The following RADIL variants were observed in gnomAD, a reference collection of about 807,000 sequenced individuals.
RADIL encodes the protein ras-associating and dilute domain-containing protein.
A neutral mutation model predicts 97.6 loss-of-function variants in RADIL; 99 were observed. The observed-to-expected ratio is 1.01, with a 90% CI of 0.86 to 1.20. RADIL has a LOEUF of 1.20. Ranked by LOEUF, RADIL falls within the 50% of genes most tolerant of loss-of-function variation. The pLI, the probability that RADIL is intolerant of heterozygous loss-of-function variation, is 0.00. For synonymous variants in RADIL, 803 were observed against 691.8 expected (o/e 1.16, Z -2.52); for missense variants, 1,765 against 1,498.9 (o/e 1.18, Z -2.93).
At position 4,834,561 on chromosome 7, in the gene RADIL, C is replaced by CCCCAGACCGGCACAGGA; in HGVS notation, c.1416+29_1416+45dup. The CCCCAGACCGGCACAGGA allele has an allele frequency of 7.7e-7, 1 of 1,302,504 alleles. No individual in the cohort carries two copies. The highest frequency in any genetic ancestry group is 9.8e-7 in the Non-Finnish European group (1 of 1,022,210). 80.7% of individuals were successfully genotyped at this position (1,302,504 alleles called of 1,614,324 possible). On this transcript the variant is annotated intron_variant, in intron 4 of 14. Coordinates refer to ENST00000399583, the MANE Select transcript of RADIL (RefSeq NM_018059.5). This position sits in a 1 kb window ranked among gnomAD's most constrained non-coding sequence, Gnocchi z 6.0. ...GGGGCCAGCTCCGGGCCCCCTCTTC[C>CCCCAGACCGGCACAGGA]CCCAGACCGGCACAGGACCCAGACC...
chr7:4,839,129 G>A lies in RADIL; in HGVS notation c.536-2524C>T, dbSNP rs1000388775. 5.9e-5 allele frequency among the ~76,000 whole-genome samples: 9 copies of A among 152,364 alleles called. No individual in the cohort carries two copies. In the South Asian group the frequency reaches 1.9e-3, roughly 32 times the overall value. On this transcript the variant is annotated intron_variant, in intron 2 of 14. Transcript: ENST00000399583. The stretch of plus-strand genomic sequence containing the variant: ...GAGCAAGCTACAGGTAACACGTGAC[G>A]TGATGTAACACATGATATGACGCGT...
At position 4,813,073 on chromosome 7, in the gene RADIL, T is replaced by TC. The variant is rs139935773; in HGVS notation, c.2139+2204_2139+2205insG. On this transcript the variant is annotated intron_variant, in intron 9 of 14. Transcript: ENST00000399583. The surrounding 1 kb of genome is among the most constrained non-coding windows in gnomAD (Gnocchi z 5.0). The stretch of plus-strand genomic sequence containing the variant: ...CTTCATCCTTACCCCAAGGTTCTTC[T>TC]TTCTCTCTCTCTCTCTCTCTCTCTC... 0.11 allele frequency among the ~76,000 whole-genome samples: 16,675 copies of TC among 147,440 alleles called. 1,059 individuals are homozygous for TC. Among genetic ancestry groups the TC allele is most frequent in the African/African-American group, 0.16 (6,167 of 38,168 alleles).
intron 2 of RADIL, chr7:4,861,867 C>CGACCTTCA: frequency 8.1e-7 from 1 of 1,241,130 alleles, no homozygotes; most frequent in South Asian, 1.9e-5. Flanking sequence ...TTCGCGGCCG[C>CGACCTTCA]CGCCCGGGTC....
intron 7 of RADIL, among the ~76,000 whole-genome samples, chr7:4,816,776 C>T (rs1782689663): frequency 1.3e-5 from 2 of 152,100 alleles, no homozygotes; most frequent in Admixed American, 1.3e-4. Flanking sequence ...AACAAAGGGG[C>T]TCCAACAAAA....
At chr7:4,833,946 G>A (rs551511865) in intron 4 of RADIL, among the ~76,000 whole-genome samples, 1 of 152,290 alleles carries the variant, frequency 6.6e-6, no homozygotes, top group East Asian at 1.9e-4. Flanking sequence ...GGCGGCAGAG[G>A]GTGACCGGCA....
At position 4,801,992 on chromosome 7, in the gene RADIL, T is replaced by C. The variant is rs891214300; in HGVS notation, c.2503A>G (p.Met835Val). 5.3e-6 allele frequency: 8 copies of C among 1,513,148 alleles called. No individual in the cohort carries two copies. The highest frequency in any genetic ancestry group is 4.2e-5 in the African/African-American group (3 of 71,482). The allele number at this position is 1,513,148 out of a possible 1,614,324, so 93.7% of individuals were successfully genotyped here. ...TGCCCGTCAAGGACCACGTGGTGCA[T>C]ACCCTAGGGAGAGGAAGGGTGACAG... is the stretch of plus-strand genomic sequence containing the variant. Reference protein sequence around the residue: ...GASQPVCPEGMHHVVLDGHLE... With the variant: ...GASQPVCPEGVHHVVLDGHLE... Residue 835 changes from methionine to valine, a missense_variant, in exon 12 of 15, where the codon ATG (methionine) becomes GTG (valine). Transcript: ENST00000399583.
chr7:4,805,496 G>A, intron 10 of RADIL, 70 bp downstream of exon 10: 1 of 1,477,884 alleles, frequency 6.8e-7, no homozygotes, highest in Non-Finnish European at 9.0e-7. Context: ...ATGAGAGCAT[G>A]CTGCCTCCAG....
rs972531959 is a variant in RADIL at position 4,840,679 on chromosome 7, C to G, written c.536-4074G>C. On this transcript the variant is annotated intron_variant, in intron 2 of 14. Coordinates refer to ENST00000399583, the MANE Select transcript of RADIL (RefSeq NM_018059.5). The surrounding 1 kb of genome is among the most constrained non-coding windows in gnomAD (Gnocchi z 5.6). Reference sequence around the variant, plus strand: ...TGAGAAATACATCATCAAGAAACCACTATTTCTGGCCGGGCGCGGTGGCTC... The same window carrying G: ...TGAGAAATACATCATCAAGAAACCAGTATTTCTGGCCGGGCGCGGTGGCTC... 6.6e-6 allele frequency among the ~76,000 whole-genome samples: 1 copy of G among 152,156 alleles called. No homozygotes were observed. The highest frequency in any genetic ancestry group is 1.5e-5 in the Non-Finnish European group (1 of 68,012).
At chr7:4,844,678 A>G (rs1432893495) in intron 2 of RADIL, among the ~76,000 whole-genome samples, 1 of 152,022 alleles carries the variant, frequency 6.6e-6, no homozygotes, top group Non-Finnish European at 1.5e-5. Flanking sequence ...ATCACAGCTC[A>G]CTGCAGCCTC....
chr7:4,867,107 A>T lies in RADIL; in HGVS notation c.535+10498T>A, dbSNP rs2115040735. Among the ~76,000 whole-genome samples the T allele has an allele frequency of 6.6e-6, 1 of 152,260 alleles. No homozygotes were observed. Among genetic ancestry groups the T allele is most frequent in the Admixed American group, 6.5e-5 (1 of 15,298 alleles). ...CAGCCTGTGGAACCATGAGATAAAT[A>T]AACCTCTTTTCCTTATACATTACCA... On this transcript the variant is annotated intron_variant, in intron 2 of 14. Transcript: ENST00000399583. The surrounding 1 kb of genome is among the most constrained non-coding windows in gnomAD (Gnocchi z 4.1).
At chr7:4,826,601 C>CAG (rs1782985878) in intron 5 of RADIL, among the ~76,000 whole-genome samples, 1 of 151,534 alleles carries the variant, frequency 6.6e-6, no homozygotes, top group African/African-American at 2.4e-5. Flanking sequence ...GGCGTGGTGG[C>CAG]GCGTGCCTGT....
intron 10 of RADIL, among the ~76,000 whole-genome samples, chr7:4,804,585 G>T (rs916413413): frequency 6.6e-6 from 1 of 152,060 alleles, no homozygotes; most frequent in Non-Finnish European, 1.5e-5. Context: ...TCAGGAATTC[G>T]AGAGCAGCCT....
At position 4,878,778 on chromosome 7, in the gene RADIL, C is replaced by A. The variant is rs1329688881; in HGVS notation, c.-64-575G>T. On this transcript the variant is annotated intron_variant, in intron 1 of 14. Transcript: ENST00000399583. This position sits in a 1 kb window ranked among gnomAD's most constrained non-coding sequence, Gnocchi z 4.1. ...AAGTGCTGGGCGCAGCGCCCGTGTG[C>A]AGTGAGCATCAAGGAGCGCCCCACC... Among the ~76,000 whole-genome samples the A allele has an allele frequency of 6.6e-6, 1 of 152,238 alleles. No individual in the cohort carries two copies. The highest frequency in any genetic ancestry group is 1.5e-5 in the Non-Finnish European group (1 of 68,040).
intron 5 of RADIL, among the ~76,000 whole-genome samples, chr7:4,831,877 C>T: frequency 6.6e-6 from 1 of 151,876 alleles, no homozygotes; most frequent in East Asian, 1.9e-4. Context: ...ATAGAGCAAA[C>T]AAAACAAAAC....
At position 4,819,613 on chromosome 7, in the gene RADIL, G is replaced by T. The variant is rs185112478; in HGVS notation, c.1616-2262C>A. ...TGTGAGGCGGCGCGGGAGGGGCCTGGGTCAGAGCTTTGTACAAAACAGTGT... is the reference window on the plus strand; with the variant it reads ...TGTGAGGCGGCGCGGGAGGGGCCTGTGTCAGAGCTTTGTACAAAACAGTGT... On this transcript the variant is annotated intron_variant, in intron 6 of 14. Coordinates refer to ENST00000399583, the MANE Select transcript of RADIL (RefSeq NM_018059.5). This position sits in a 1 kb window ranked among gnomAD's most constrained non-coding sequence, Gnocchi z 5.8. Among the ~76,000 whole-genome samples, 10 of 152,298 alleles carry T rather than the reference G, an allele frequency of 6.6e-5. No individual in the cohort carries two copies. Among genetic ancestry groups the T allele is most frequent in the Non-Finnish European group, 1.3e-4 (9 of 68,018 alleles).
intron 9 of RADIL, among the ~76,000 whole-genome samples, chr7:4,806,602 G>A (rs931707719): frequency 7.9e-5 from 12 of 152,204 alleles, no homozygotes; most frequent in Non-Finnish European, 1.3e-4. Context: ...TCCTTCTGGG[G>A]TTCCTTTCCC....
chr7:4,857,305 C>CT (rs1783857090), intron 2 of RADIL, among the ~76,000 whole-genome samples: 1 of 152,082 alleles, frequency 6.6e-6, no homozygotes, highest in South Asian at 2.1e-4. Context: ...ATTAGCGTGC[C>CT]TTTTTTCCAT....
rs537957909 is a variant in RADIL at position 4,841,322 on chromosome 7, G to A, written c.536-4717C>T. ...GCTGCGTAGGTTTAAGGGATGCCCA[G>A]AAATCTGTATTGGTAAATGCCATCT... On this transcript the variant is annotated intron_variant, in intron 2 of 14. Coordinates refer to ENST00000399583, the MANE Select transcript of RADIL (RefSeq NM_018059.5). 5.9e-3 allele frequency among the ~76,000 whole-genome samples: 906 copies of A among 152,310 alleles called. 5 individuals are homozygous for A. Among genetic ancestry groups the A allele is most frequent in the Non-Finnish European group, 1.0e-2 (677 of 68,030 alleles).
chr7:4,877,986 G>A lies in RADIL; in HGVS notation c.154C>T (p.Pro52Ser). 2 of 1,609,382 alleles carry A rather than the reference G, an allele frequency of 1.2e-6. No homozygotes were observed. Among genetic ancestry groups the A allele is most frequent in the South Asian group, 1.1e-5 (1 of 90,890 alleles). Residue 52 changes from proline (P) to serine (S), a missense_variant, in exon 2 of 15, where the codon CCC becomes TCC. Transcript: ENST00000399583. ...TFSSLGASDD[P>S]AELSTQLSAP... ...GACAGCTGGGTGGAGAGCTCGGCGG[G>A]GTCATCGCTGGCGCCCAGGCTGGAG...
Sources: allele counts gnomAD v4.1 joint callset (sites outside exome capture counted in the v4.1 genomes callset), GRCh38; gene constraint gnomAD v4.1.1; non-coding constraint Gnocchi (gnomAD v3.1); transcripts MANE v1.5; gene names NCBI Gene and HGNC (gene_info 2026-07-23, HGNC 2026-07-21).